GAS7: variants seen among roughly 807,000 people sequenced by gnomAD.
GAS7 encodes growth arrest-specific protein 7.
In GAS7, 28 loss-of-function variants were observed where a neutral mutation model predicts 71.1. The ratio of observed to expected loss-of-function variants is 0.39; its 90% CI spans 0.29 to 0.54. GAS7 has a LOEUF of 0.54. Among genes scored for constraint, GAS7 ranks in the 20% least tolerant of loss-of-function variants. The probability of loss-of-function intolerance (pLI) is 0.62; values close to 1 mark genes in which losing one functional copy is unlikely to be tolerated. For synonymous variants in GAS7, 258 were observed against 245.8 expected (o/e 1.05, Z -0.46); for missense variants, 436 against 627.8 (o/e 0.69, Z 3.27).
At chr17:10,056,643 A>T (rs756777629) in intron 1 of GAS7, among the ~76,000 whole-genome samples, 77 of 152,240 alleles carry the variant, frequency 5.1e-4, no homozygotes, top group Middle Eastern at 3.4e-3. Flanking sequence ...AGGCCAAGGC[A>T]GGTGGATCAC....
At chr17:10,116,346 G>T (rs1046730546) in intron 1 of GAS7, among the ~76,000 whole-genome samples, 5 of 151,754 alleles carry the variant, frequency 3.3e-5, no homozygotes, top group African/African-American at 1.2e-4. Context: ...TTAGAGATCA[G>T]CTGGGTCCCT....
chr17:9,949,778 T>G (rs948502729), intron 5 of GAS7, among the ~76,000 whole-genome samples: 1 of 147,458 alleles, frequency 6.8e-6, no homozygotes, highest in African/African-American at 2.5e-5. Context: ...CCTCCCCTCC[T>G]CCCTTCCTCT....
Position 9,985,876 on chromosome 17 carries a change from T to G in GAS7, c.305-3992A>C, listed in dbSNP as rs116598763. The stretch of plus-strand genomic sequence containing the variant: ...TGGCCGCATTGCAATGCTGCTTCCT[T>G]CCTTCCCCGGGGGTTGCTCCCAGGA... On this transcript the variant is annotated intron_variant, in intron 2 of 13. Transcript: ENST00000432992. Among the ~76,000 whole-genome samples, 1,336 of 152,312 alleles carry G rather than the reference T, an allele frequency of 8.8e-3. 15 individuals are homozygous for G. The highest frequency in any genetic ancestry group is 0.031 in the African/African-American group (1,281 of 41,576).
chr17:9,944,156 C>A (rs929977131), intron 6 of GAS7, among the ~76,000 whole-genome samples: 16 of 152,326 alleles, frequency 1.1e-4, no homozygotes, highest in African/African-American at 3.8e-4. Flanking sequence ...AATGCCCCTT[C>A]CCTGCCATTC....
chr17:9,989,585 T>C (rs2070765865), intron 2 of GAS7, among the ~76,000 whole-genome samples: 1 of 152,138 alleles, frequency 6.6e-6, no homozygotes, highest in South Asian at 2.1e-4. Context: ...GGGAGGGAGT[T>C]GTGCCAGGAG....
At chr17:10,062,842 C>T (rs948779772) in intron 1 of GAS7, among the ~76,000 whole-genome samples, 1 of 152,128 alleles carries the variant, frequency 6.6e-6, no homozygotes, top group Non-Finnish European at 1.5e-5. Context: ...AATGACCCTG[C>T]AGATCTCAGC....
At chr17:10,056,688 G>A (rs764867276) in intron 1 of GAS7, among the ~76,000 whole-genome samples, 40 of 151,912 alleles carry the variant, frequency 2.6e-4, no homozygotes, top group Non-Finnish European at 3.5e-4. Context: ...TGGCTAACAC[G>A]GTGAAACCCC....
chr17:10,063,985 C>A (rs771414140), intron 1 of GAS7, among the ~76,000 whole-genome samples: 1 of 152,192 alleles, frequency 6.6e-6, no homozygotes, highest in Non-Finnish European at 1.5e-5. Flanking sequence ...TTAGCACGAG[C>A]GCTCGTCCCC....
chr17:10,042,677 A>T (rs1028576115), intron 1 of GAS7, among the ~76,000 whole-genome samples: 3 of 152,240 alleles, frequency 2.0e-5, no homozygotes, highest in Admixed American at 2.0e-4. Flanking sequence ...AGCTTTCAGA[A>T]TCCAGAGGAG....
intron 1 of GAS7, among the ~76,000 whole-genome samples, chr17:10,118,449 G>A (rs766074308): frequency 2.0e-5 from 3 of 152,114 alleles, no homozygotes; most frequent in Non-Finnish European, 2.9e-5. Flanking sequence ...AGTGGCTCAC[G>A]CCTGTAATCC....
At chr17:10,190,185 G>A (rs992542236) in intron 1 of GAS7, among the ~76,000 whole-genome samples, 2 of 152,172 alleles carry the variant, frequency 1.3e-5, no homozygotes, top group Non-Finnish European at 2.9e-5. Context: ...AGATCACACC[G>A]ATGCAGCCGT....
chr17:10,080,741 G>A (rs2152251331), intron 1 of GAS7, among the ~76,000 whole-genome samples: 1 of 152,344 alleles, frequency 6.6e-6, no homozygotes, highest in Middle Eastern at 3.4e-3. Context: ...AGAACTCAAG[G>A]AGGTAATCCT....
intron 2 of GAS7, among the ~76,000 whole-genome samples, chr17:9,993,015 T>A (rs903303418): frequency 3.3e-5 from 5 of 152,040 alleles, no homozygotes; most frequent in African/African-American, 1.2e-4. Context: ...TGTTGGACAT[T>A]TGGGTTGGTT....
chr17:9,930,681 CT>C (rs1248098159), intron 9 of GAS7, among the ~76,000 whole-genome samples: 1 of 152,210 alleles, frequency 6.6e-6, no homozygotes, highest in Non-Finnish European at 1.5e-5. Context: ...GCTTTTACCC[CT>C]GACACAGAGC....
chr17:10,075,829 TG>T (rs1450356491), intron 1 of GAS7, among the ~76,000 whole-genome samples: 1 of 146,898 alleles, frequency 6.8e-6, no homozygotes, highest in Non-Finnish European at 1.5e-5. Context: ...CTGGGAGCAG[TG>T]GTTCCTTCCT....
At chr17:10,127,779 G>A (rs962498979) in intron 1 of GAS7, among the ~76,000 whole-genome samples, 1 of 152,126 alleles carries the variant, frequency 6.6e-6, no homozygotes. Context: ...CAGGCGAAGT[G>A]GACTAGGAGA....
intron 1 of GAS7, among the ~76,000 whole-genome samples, chr17:10,038,184 C>T (rs1232286791): frequency 1.3e-5 from 2 of 152,012 alleles, no homozygotes; most frequent in East Asian, 3.9e-4. Context: ...GTGGTGATAC[C>T]CCGTCTCTAC....
chr17:10,087,640 C>G (rs2152254487), intron 1 of GAS7, among the ~76,000 whole-genome samples: 1 of 152,332 alleles, frequency 6.6e-6, no homozygotes, highest in Middle Eastern at 3.4e-3. Context: ...TCCCCGAACA[C>G]AGCCAGGACT....
intron 1 of GAS7, among the ~76,000 whole-genome samples, chr17:10,076,914 C>G (rs1293204918): frequency 6.6e-6 from 1 of 152,176 alleles, no homozygotes; most frequent in Non-Finnish European, 1.5e-5. Flanking sequence ...TACATTTCAC[C>G]TGTTTTACCC....
Sources: allele counts gnomAD v4.1 joint callset (sites outside exome capture counted in the v4.1 genomes callset), GRCh38; gene constraint gnomAD v4.1.1; transcripts MANE v1.5; gene names NCBI Gene and HGNC (gene_info 2026-07-23, HGNC 2026-07-21).